The following AMPD3 variants were observed in gnomAD, a reference collection of about 807,000 sequenced individuals.
AMPD3 encodes adenosine monophosphate deaminase 3, also known as AMP deaminase 3.
In AMPD3, 57 loss-of-function variants were observed where a neutral mutation model predicts 82.3. That is an observed-to-expected ratio of 0.69 (90% confidence interval 0.56 to 0.86). The LOEUF (loss-of-function observed/expected upper bound fraction) is 0.86, where lower values mean the gene tolerates loss of function less well. Ranked by LOEUF, AMPD3 falls within the 40% of genes least tolerant of loss-of-function variation. The pLI, the probability that AMPD3 is intolerant of heterozygous loss-of-function variation, is 0.00. For missense variants in AMPD3, 870 were observed against 1,003.8 expected, an observed-to-expected ratio of 0.87 and a Z score of 1.80; for synonymous variants, 381 against 394.7, an observed-to-expected ratio of 0.97 and a Z score of 0.41.
chr11:10,486,977 CA>C, intron 5 of AMPD3: 1 of 985,428 alleles, frequency 1.0e-6, no homozygotes, highest in Non-Finnish European at 1.2e-6. Flanking sequence ...AACACATAAA[CA>C]AGAAGTCAAA....
intron 12 of AMPD3, 195 bp downstream of exon 12, chr11:10,501,785 A>G: frequency 3.0e-6 from 3 of 985,126 alleles, no homozygotes; most frequent in Non-Finnish European, 3.6e-6. Flanking sequence ...AACTGGAGAA[A>G]TGGAAAAAAG....
intron 3 of AMPD3, 78 bp downstream of exon 3, chr11:10,478,808 C>A: frequency 6.9e-7 from 1 of 1,454,812 alleles, no homozygotes; most frequent in Non-Finnish European, 9.5e-7. Context: ...GTCGTGCCTC[C>A]CTCTGGAGCC....
intron 7 of AMPD3, chr11:10,493,835 C>A: frequency 2.0e-6 from 1 of 501,670 alleles, no homozygotes; most frequent in South Asian, 2.2e-5. Flanking sequence ...ATTTCCTTGC[C>A]TATAAAATGG....
At chr11:10,466,757 C>T (rs1848433818) in intron 2 of AMPD3, among the ~76,000 whole-genome samples, 2 of 152,174 alleles carry the variant, frequency 1.3e-5, no homozygotes, top group South Asian at 4.1e-4. Flanking sequence ...GAGACACCTC[C>T]CAGTAGGGGC....
Position 10,502,885 on chromosome 11 carries a change from C to T in AMPD3, c.2007C>T (p.His669=), listed in dbSNP as rs751616893. 1.7e-5 allele frequency: 27 copies of T among 1,614,070 alleles called. No homozygotes were observed. In the African/African-American group the frequency reaches 3.1e-4, roughly 18 times the overall value. ...CCACCGATGACCCCATGCAGTTCCA[C>T]TACACGAAGGTAAGGACTTTGGGGT... is the stretch of plus-strand genomic sequence containing the variant. ...SLSTDDPMQF[H]YTKEALMEEY... Residue 669 remains histidine, a synonymous_variant, in exon 13 of 15, where the codon CAC becomes CAT. Coordinates refer to ENST00000396553, the MANE Select transcript of AMPD3 (RefSeq NM_001025389.2).
intron 12 of AMPD3, chr11:10,501,992 T>C (rs1238813806): frequency 2.0e-6 from 2 of 985,344 alleles, no homozygotes; most frequent in African/African-American, 3.5e-5. Flanking sequence ...TGCTCCTTTT[T>C]CCAAAGGCTG....
intron 2 of AMPD3, among the ~76,000 whole-genome samples, chr11:10,465,462 C>T (rs1323849111): frequency 6.6e-6 from 1 of 152,208 alleles, no homozygotes; most frequent in Non-Finnish European, 1.5e-5. Flanking sequence ...GTCTGCAGCT[C>T]CCAGTGAGAT....
At chr11:10,495,373 C>T in intron 8 of AMPD3, 197 bp from the exon 9 acceptor site, 1 of 985,436 alleles carries the variant, frequency 1.0e-6, no homozygotes, top group Non-Finnish European at 1.2e-6. Context: ...GACCCAAGGC[C>T]TTCCTCACCA....
chr11:10,455,230 A>G (rs1848058289), upstream of AMPD3: 6 of 985,306 alleles, frequency 6.1e-6, no homozygotes, highest in South Asian at 2.8e-4. Context: ...TGCCTAAGTC[A>G]CTGGGAGGCT....
chr11:10,496,788 A>T, intron 9 of AMPD3, 24 bp from the exon 10 acceptor site: 2 of 1,614,136 alleles, frequency 1.2e-6, no homozygotes, highest in Non-Finnish European at 1.7e-6. Flanking sequence ...TCCACCTGAC[A>T]AGCGAGTCTT....
In AMPD3 at chr11:10,473,285, T is replaced by A. The variant is rs149274626; in HGVS notation, c.222-5241T>A. 5.2e-6 allele frequency: 4 copies of A among 766,904 alleles called. No individual in the cohort carries two copies. In the East Asian group the frequency reaches 5.2e-4, roughly 99 times the overall value. The allele number at this position is 766,904 out of a possible 1,614,324, so 47.5% of individuals were successfully genotyped here. A position where few individuals can be genotyped will look rare whatever the true frequency, so the allele number is the denominator to read the frequency against. ...ACCCTGTGTCAAAAAAAAGTAAAAA[T>A]AAAAATAAAGTTAGGGAGAGAGATT... is the stretch of plus-strand genomic sequence containing the variant. On this transcript the variant is annotated intron_variant, in intron 2 of 14. Coordinates refer to ENST00000396553, the MANE Select transcript of AMPD3 (RefSeq NM_001025389.2).
At chr11:10,458,627 T>C (rs1192530654) in intron 1 of AMPD3, among the ~76,000 whole-genome samples, 1 of 152,190 alleles carries the variant, frequency 6.6e-6, no homozygotes, top group Non-Finnish European at 1.5e-5. Context: ...TCATTTACTG[T>C]ATTTTTATTT....
chr11:10,496,588 T>G (rs1849407614), intron 9 of AMPD3: 62 of 978,608 alleles, frequency 6.3e-5, no homozygotes, highest in Non-Finnish European at 7.4e-5. Context: ...GAGAAAGTGC[T>G]CTGATGGGCA....
At position 10,493,406 on chromosome 11, in the gene AMPD3, A is replaced by C. The variant is rs754541053; in HGVS notation, c.997A>C (p.Ile333Leu). The C allele has an allele frequency of 1.9e-6, 3 of 1,614,242 alleles. No individual in the cohort carries two copies. The highest frequency in any genetic ancestry group is 2.5e-6 in the Non-Finnish European group (3 of 1,180,044). Residue 333 changes from isoleucine (I) to leucine (L), a missense_variant, in exon 7 of 15, where the codon ATC becomes CTC. Transcript: ENST00000396553. Reference sequence around the variant, plus strand: ...GAACCAAAAGCATCTGCTGCGCTTCATCAAGCACACATACCAGACGGAGCC... The same window carrying C: ...GAACCAAAAGCATCTGCTGCGCTTCCTCAAGCACACATACCAGACGGAGCC... ...CMNQKHLLRFIKHTYQTEPDR... is the reference protein window; with the variant it reads ...CMNQKHLLRFLKHTYQTEPDR...
In AMPD3 at chr11:10,493,558, G is replaced by A. The variant is rs1470208204; in HGVS notation, c.1134+15G>A. On this transcript the variant is annotated intron_variant, in intron 7 of 14. Transcript: ENST00000396553. ...ATGTCCACGCGGTGAGTGAGCTTCT[G>A]CTCCAGTGCCGCCAGCAGACAGCAG... The A allele has an allele frequency of 1.6e-5, 26 of 1,613,064 alleles. No individual in the cohort carries two copies. Among genetic ancestry groups the A allele is most frequent in the Non-Finnish European group, 2.2e-5 (26 of 1,179,622 alleles).
At position 10,455,407 on chromosome 11, in the gene AMPD3, A is replaced by G; in HGVS notation, c.-47A>G. 3 of 982,374 alleles carry G rather than the reference A, an allele frequency of 3.1e-6. No individual in the cohort carries two copies. The highest frequency in any genetic ancestry group is 3.6e-6 in the Non-Finnish European group (3 of 827,482). The allele number at this position is 982,374 out of a possible 1,614,324, so 60.9% of individuals were successfully genotyped here. On this transcript the variant is annotated 5_prime_UTR_variant, in exon 1 of 15. Transcript: ENST00000396553. ...CCAGGAGGAGTGGCAGAGTCCAGCC[A>G]GCGCTCGGAGCTGGAGGCCCACGTG... is the stretch of plus-strand genomic sequence containing the variant.
chr11:10,501,328 G>C, intron 11 of AMPD3, 142 bp from the exon 12 acceptor site: 1 of 1,450,474 alleles, frequency 6.9e-7, no homozygotes, highest in South Asian at 1.5e-5. Context: ...TTTAGGAGGG[G>C]TAGTTTCCAG....
chr11:10,504,255 C>T, intron 13 of AMPD3: 1 of 983,984 alleles, frequency 1.0e-6, no homozygotes, highest in Non-Finnish European at 1.2e-6. Flanking sequence ...GAGGGCTTGT[C>T]ACAGGAGAGC....
Position 10,500,430 on chromosome 11 carries a change from T to C in AMPD3, c.1721+181T>C. 3 of 529,146 alleles carry C rather than the reference T, an allele frequency of 5.7e-6. No homozygotes were observed. The South Asian group carries it at 2.4e-4, about 43-fold the overall frequency. The allele number at this position is 529,146 out of a possible 1,614,324, so 32.8% of individuals were successfully genotyped here. On this transcript the variant is annotated intron_variant, in intron 11 of 14. Coordinates refer to ENST00000396553, the MANE Select transcript of AMPD3 (RefSeq NM_001025389.2). ...ACTTTCCAGCCTGCTATATGAGGCATGTCTCCACATGATCACACACATGCA... is the reference window on the plus strand; with the variant it reads ...ACTTTCCAGCCTGCTATATGAGGCACGTCTCCACATGATCACACACATGCA...
Sources: gnomAD v4.1 joint callset for allele counts (sites outside exome capture counted in the v4.1 genomes callset) on GRCh38, gnomAD v4.1.1 for gene constraint, MANE v1.5 for transcripts, NCBI Gene and HGNC (gene_info 2026-07-23, HGNC 2026-07-21) for gene names.